Variants in BRD10 observed in about 807,000 individuals in gnomAD.
The protein encoded by BRD10 is bromodomain containing 10.
At chr9:5,929,442 T>C in the BRD10 span, among the ~76,000 whole-genome samples, 1 of 152,198 alleles carries the variant, frequency 6.6e-6, no homozygotes, top group African/African-American at 2.4e-5. Context: ...TAATAAATCA[T>C]TTGTTAAATA....
At chr9:5,974,876 A>G in the BRD10 span, among the ~76,000 whole-genome samples, 1 of 152,192 alleles carries the variant, frequency 6.6e-6, no homozygotes, top group East Asian at 1.9e-4. Context: ...GGTAGTAGAG[A>G]ATAATTAGAC....
chr9:5,968,390 T>C, the BRD10 span: 1 of 1,612,114 alleles, frequency 6.2e-7, no homozygotes, highest in South Asian at 1.1e-5. Context: ...TTCCTGATTT[T>C]CTATAAACCT....
chr9:5,947,886 C>G, the BRD10 span, among the ~76,000 whole-genome samples: 1 of 152,104 alleles, frequency 6.6e-6, no homozygotes, highest in Non-Finnish European at 1.5e-5. Context: ...TTAAAACCTC[C>G]TTCTCATTAT....
chr9:5,938,127 G>C, the BRD10 span, among the ~76,000 whole-genome samples: 1 of 152,104 alleles, frequency 6.6e-6, no homozygotes, highest in Non-Finnish European at 1.5e-5. Context: ...GAAAATAAAA[G>C]ATTAAATATT....
the BRD10 span, chr9:5,913,890 G>A: frequency 2.1e-5 from 7 of 334,834 alleles, no homozygotes; most frequent in Admixed American, 4.3e-5. Flanking sequence ...TAAAAATGCA[G>A]CTCATATGAA....
chr9:5,945,081 A>C, the BRD10 span: 2 of 457,518 alleles, frequency 4.4e-6, no homozygotes, highest in Non-Finnish European at 7.7e-6. Flanking sequence ...AATAGTAAAA[A>C]GCAAGAAAAG....
the BRD10 span, among the ~76,000 whole-genome samples, chr9:5,994,121 AAC>A: frequency 6.6e-6 from 1 of 152,180 alleles, no homozygotes; most frequent in Non-Finnish European, 1.5e-5. Context: ...AGATTCTCAA[AAC>A]TAATGAAGTA....
At chr9:5,990,816 C>A in the BRD10 span, among the ~76,000 whole-genome samples, 6 of 152,234 alleles carry the variant, frequency 3.9e-5, no homozygotes, top group African/African-American at 1.4e-4. Flanking sequence ...TTCTAGCAGT[C>A]AATTTAGTAA....
At chr9:5,919,374 T>A in the BRD10 span, 8 of 216,344 alleles carry the variant, frequency 3.7e-5, no homozygotes, top group Admixed American at 3.1e-4. Context: ...AAGGCTAGCT[T>A]ACTCTAAACT....
the BRD10 span, among the ~76,000 whole-genome samples, chr9:5,893,813 TCCA>T: frequency 1.3e-5 from 2 of 152,078 alleles, no homozygotes; most frequent in African/African-American, 4.8e-5. Context: ...TGCCATCACC[TCCA>T]CATCTTGCCA....
At chr9:5,895,394 T>C in the BRD10 span, among the ~76,000 whole-genome samples, 1 of 152,078 alleles carries the variant, frequency 6.6e-6, no homozygotes, top group African/African-American at 2.4e-5. Flanking sequence ...TTTTTTTTTT[T>C]TTAATTTTTT....
At chr9:5,998,143 A>G in the BRD10 span, among the ~76,000 whole-genome samples, 2 of 152,168 alleles carry the variant, frequency 1.3e-5, no homozygotes, top group African/African-American at 2.4e-5. Context: ...TGAACATGTT[A>G]AAGTTTGAGA....
chr9:5,983,214 T>C, the BRD10 span, among the ~76,000 whole-genome samples: 1 of 152,184 alleles, frequency 6.6e-6, no homozygotes, highest in Non-Finnish European at 1.5e-5. Context: ...TAGGGGCATT[T>C]AGCAGAGGCC....
chr9:5,915,199 T>C, the BRD10 span, among the ~76,000 whole-genome samples: 1 of 152,146 alleles, frequency 6.6e-6, no homozygotes, highest in African/African-American at 2.4e-5. Flanking sequence ...AGTTTCTGTC[T>C]CATCTCTAGC....
chr9:5,914,409 GGTTTTTTTTTTT>G, the BRD10 span, among the ~76,000 whole-genome samples: 3 of 106,966 alleles, frequency 2.8e-5, no homozygotes, highest in East Asian at 6.0e-4. Flanking sequence ...AAATCCAGAT[GGTTTTTTTTTTT>G]TTTTTTTTTT....
At chr9:5,990,597 G>A in the BRD10 span, among the ~76,000 whole-genome samples, 2 of 152,138 alleles carry the variant, frequency 1.3e-5, no homozygotes, top group African/African-American at 4.8e-5. Flanking sequence ...CAAAGAGAAA[G>A]TAATATCCTT....
the BRD10 span, chr9:5,922,325 C>A: frequency 1.2e-6 from 2 of 1,613,974 alleles, no homozygotes; most frequent in Non-Finnish European, 1.7e-6. Flanking sequence ...CGGTGAAGCA[C>A]TGGGCAAGGA....
the BRD10 span, among the ~76,000 whole-genome samples, chr9:5,958,301 G>C: frequency 5.9e-5 from 9 of 152,256 alleles, no homozygotes; most frequent in South Asian, 6.2e-4. Context: ...TAGTTTTCTA[G>C]AATCTGGAAA....
the BRD10 span, among the ~76,000 whole-genome samples, chr9:5,915,971 A>G: frequency 6.6e-6 from 1 of 152,324 alleles, no homozygotes; most frequent in East Asian, 1.9e-4. Flanking sequence ...TTCTTCATAC[A>G]TTTTTAACTA....
Sources: gnomAD v4.1 joint callset for allele counts (sites outside exome capture counted in the v4.1 genomes callset) on GRCh38, gnomAD v4.1.1 for gene constraint, MANE v1.5 for transcripts, NCBI Gene and HGNC (gene_info 2026-07-23, HGNC 2026-07-21) for gene names.